The following CYP2W1 variants were observed in gnomAD, a reference collection of about 807,000 sequenced individuals.
CYP2W1 encodes the protein cytochrome P450 family 2 subfamily W member 1.
Under a neutral mutation model 44.9 loss-of-function variants are expected in CYP2W1, and 51 were observed. That is an observed-to-expected ratio of 1.14 (90% confidence interval 0.91 to 1.43). The LOEUF is 1.43. Among genes scored for constraint, CYP2W1 ranks in the 40% most tolerant of loss-of-function variants. CYP2W1 has a pLI of 0.00. For missense variants in CYP2W1, 746 were observed against 700.0 expected (o/e 1.07, Z -0.74); for synonymous variants, 383 against 338.3 (o/e 1.13, Z -1.45).
At chr7:983,863 G>A (rs905709712) in intron 1 of CYP2W1, among the ~76,000 whole-genome samples, 2 of 152,240 alleles carry the variant, frequency 1.3e-5, no homozygotes, top group South Asian at 2.1e-4. Context: ...AGGACAGAGG[G>A]TACGGGGACA....
Position 984,121 on chromosome 7 carries a change from G to A in CYP2W1, c.175-291G>A, listed in dbSNP as rs528631854. ...CCACCCCAGCAGACAGCCAGCCCCC[G>A]ACCTTGCCGCCTGGACTCAGGGCTT... On this transcript the variant is annotated intron_variant, in intron 1 of 8. Coordinates refer to ENST00000308919, the MANE Select transcript of CYP2W1 (RefSeq NM_017781.3). Among the ~76,000 whole-genome samples the A allele has an allele frequency of 2.0e-5, 3 of 152,290 alleles. No homozygotes were observed. In the South Asian group the frequency reaches 6.2e-4, roughly 32 times the overall value.
chr7:988,336 C>A lies in CYP2W1; in HGVS notation c.1203C>A (p.Thr401=). The part of the protein sequence containing the change: ...SVLLDETQWQ[T]PGQFNPGHFL... ...TCCTGGATGAGACACAGTGGCAGAC[C>A]CCAGGCCAGTTCAACCCCGGCCATT... Residue 401 remains threonine, a synonymous_variant, in exon 8 of 9, where the codon ACC becomes ACA. Transcript: ENST00000308919. 2 of 1,612,526 alleles carry A rather than the reference C, an allele frequency of 1.2e-6. No homozygotes were observed. Among genetic ancestry groups the A allele is most frequent in the Non-Finnish European group, 1.7e-6 (2 of 1,179,724 alleles).
Position 986,532 on chromosome 7 carries a change from C to T in CYP2W1, c.646-92C>T, listed in dbSNP as rs1013354568. 20 of 1,455,466 alleles carry T rather than the reference C, an allele frequency of 1.4e-5. No individual in the cohort carries two copies. The East Asian group carries it at 3.0e-4, about 22-fold the overall frequency. The allele number at this position is 1,455,466 out of a possible 1,614,324, so 90.2% of individuals were successfully genotyped here. ...AGCACATCCACCCAGAGTCCCTGGG[C>T]GTGAACACAGCCGCTGGGGACGATC... On this transcript the variant is annotated intron_variant, in intron 4 of 8. Transcript: ENST00000308919.
chr7:983,854 G>A (rs1219240007), intron 1 of CYP2W1, among the ~76,000 whole-genome samples: 2 of 152,246 alleles, frequency 1.3e-5, no homozygotes, highest in African/African-American at 4.8e-5. Context: ...GGGATGCTGA[G>A]GACAGAGGGT....
intron 7 of CYP2W1, among the ~76,000 whole-genome samples, chr7:987,977 TGG>T (rs1250390123): frequency 5.1e-5 from 3 of 59,130 alleles, no homozygotes; most frequent in African/African-American, 3.3e-4. Flanking sequence ...CTGTGTGTCC[TGG>T]GGGGGTCCCC....
chr7:984,361 G>A lies in CYP2W1; in HGVS notation c.175-51G>A, dbSNP rs1432634229. On this transcript the variant is annotated intron_variant, in intron 1 of 8. Transcript: ENST00000308919. ...CAGGCCCGGCCTGAGGGGACCTAAG[G>A]GGGGTCTTGTGGGTGAGGGCTGCCC... 5 of 1,535,652 alleles carry A rather than the reference G, an allele frequency of 3.3e-6. No individual in the cohort carries two copies. The East Asian group carries it at 1.2e-4, about 38-fold the overall frequency.
At chr7:987,061 G>T in intron 5 of CYP2W1, 46 bp from the exon 6 acceptor site, 1 of 1,454,172 alleles carries the variant, frequency 6.9e-7, no homozygotes, top group Non-Finnish European at 9.1e-7. Context: ...TGGGGTGGGG[G>T]ACAGACCCCA....
Position 985,340 on chromosome 7 carries a change from C to T in CYP2W1, c.645+17C>T. The T allele has an allele frequency of 1.3e-6, 2 of 1,547,446 alleles. No individual in the cohort carries two copies. The highest frequency in any genetic ancestry group is 8.7e-7 in the Non-Finnish European group (1 of 1,144,868). ...GGCCTGCAGGTGAGGAGCTGCCTCC[C>T]ATCCTTGGGGTGGGGTGGAGCCTGG... is the stretch of plus-strand genomic sequence containing the variant. On this transcript the variant is annotated intron_variant, in intron 4 of 8. Transcript: ENST00000308919.
In CYP2W1 at chr7:986,924, C is replaced by T. The variant is rs1848399132; in HGVS notation, c.819+127C>T. The T allele has an allele frequency of 9.9e-6, 13 of 1,319,032 alleles. No homozygotes were observed. The South Asian group carries it at 1.4e-4, about 14-fold the overall frequency. 81.7% of individuals were successfully genotyped at this position (1,319,032 alleles called of 1,614,324 possible). A position where few individuals can be genotyped will look rare whatever the true frequency, so the allele number is the denominator to read the frequency against. On this transcript the variant is annotated intron_variant, in intron 5 of 8. Transcript: ENST00000308919. ...CTCCCTACCTCCTGGCTGGGGGCCTCTCAGAGCCTCAGTCTCCTTGTCTGT... is the reference window on the plus strand; with the variant it reads ...CTCCCTACCTCCTGGCTGGGGGCCTTTCAGAGCCTCAGTCTCCTTGTCTGT...
intron 4 of CYP2W1, chr7:986,325 C>T (rs1258510892): frequency 6.7e-6 from 3 of 450,100 alleles, no homozygotes. Flanking sequence ...CCATGACTCA[C>T]AGGAGGTTCA....
At position 984,611 on chromosome 7, in the gene CYP2W1, G is replaced by A. The variant is rs1050821611; in HGVS notation, c.337+37G>A. The A allele has an allele frequency of 4.5e-6, 7 of 1,539,192 alleles. No homozygotes were observed. In the African/African-American group the frequency reaches 8.2e-5, roughly 18 times the overall value. The stretch of plus-strand genomic sequence containing the variant: ...GCCGGCGCTACGGGGCCTACTGGGT[G>A]TGGGGGCACCTGGACCCCAGGAGGG... On this transcript the variant is annotated intron_variant, in intron 2 of 8. Coordinates refer to ENST00000308919, the MANE Select transcript of CYP2W1 (RefSeq NM_017781.3).
intron 5 of CYP2W1, 57 bp downstream of exon 5, chr7:986,854 AGG>A: frequency 1.4e-6 from 2 of 1,445,860 alleles, no homozygotes; most frequent in Non-Finnish European, 9.1e-7. Flanking sequence ...GGGACACCCC[AGG>A]GGAGCACGGC....
intron 6 of CYP2W1, 37 bp from the exon 7 acceptor site, chr7:987,310 T>A (rs763526504): frequency 6.5e-7 from 1 of 1,535,090 alleles, no homozygotes; most frequent in Admixed American, 1.9e-5. Flanking sequence ...GGACGAGGGA[T>A]GGCGCTGCCA....
At chr7:984,369 T>A (rs1370702159) in intron 1 of CYP2W1, 43 bp from the exon 2 acceptor site, 1 of 1,537,778 alleles carries the variant, frequency 6.5e-7, no homozygotes, top group Admixed American at 2.0e-5. Context: ...AGGGGGGTCT[T>A]GTGGGTGAGG....
rs373912411 is a variant in CYP2W1 at position 984,445 on chromosome 7, C to T, written c.208C>T (p.His70Tyr). ...SERYGPVFTVHLGRQKTVVLT... is the reference protein window; with the variant it reads ...SERYGPVFTVYLGRQKTVVLT... ...ACGCTACGGGCCGGTGTTCACCGTG[C>T]ACCTGGGGCGCCAGAAGACGGTGGT... The change falls in exon 2 of 9, where the codon CAC becomes TAC. Residue 70 changes from histidine to tyrosine, a missense_variant. Transcript: ENST00000308919. The T allele has an allele frequency of 4.5e-6, 7 of 1,549,328 alleles. No individual in the cohort carries two copies. The African/African-American group carries it at 9.6e-5, about 21-fold the overall frequency.
chr7:988,190 G>A, intron 7 of CYP2W1, 87 bp from the exon 8 acceptor site: 2 of 1,432,366 alleles, frequency 1.4e-6, no homozygotes, highest in Non-Finnish European at 1.9e-6. Flanking sequence ...TGTGGCAGGA[G>A]CTACATCCTG....
intron 1 of CYP2W1, among the ~76,000 whole-genome samples, chr7:983,755 C>T (rs1848104499): frequency 6.6e-6 from 1 of 152,218 alleles, no homozygotes; most frequent in Non-Finnish European, 1.5e-5. Flanking sequence ...CCCCCTCGGC[C>T]CTCAGGTGTT....
At chr7:986,836 G>C (rs1161014890) in intron 5 of CYP2W1, 39 bp downstream of exon 5, 3 of 1,475,760 alleles carry the variant, frequency 2.0e-6, no homozygotes, top group Non-Finnish European at 2.7e-6. Context: ...GGCCTGTAGG[G>C]GTCCTGAGGG....
At position 985,312 on chromosome 7, in the gene CYP2W1, C is replaced by G; in HGVS notation, c.634C>G (p.Pro212Ala). Residue 212 changes from proline (P) to alanine (A), a missense_variant, in exon 4 of 9, where the codon CCT (proline) becomes GCT (alanine). Transcript: ENST00000308919. ...IDEVMVLLGSPGLQLFNVYPW... is the reference protein window; with the variant it reads ...IDEVMVLLGSAGLQLFNVYPW... The stretch of plus-strand genomic sequence containing the variant: ...TGAGGTCATGGTCCTCTTGGGGTCC[C>G]CTGGCCTGCAGGTGAGGAGCTGCCT... The G allele has an allele frequency of 6.4e-7, 1 of 1,550,708 alleles. No homozygotes were observed. The highest frequency in any genetic ancestry group is 8.7e-7 in the Non-Finnish European group (1 of 1,146,926).
Sources: gnomAD v4.1 joint callset for allele counts (sites outside exome capture counted in the v4.1 genomes callset) on GRCh38, gnomAD v4.1.1 for gene constraint, MANE v1.5 for transcripts, NCBI Gene and HGNC (gene_info 2026-07-23, HGNC 2026-07-21) for gene names.